The following MATR3 variants were observed in gnomAD, a reference collection of about 807,000 sequenced individuals.
The protein encoded by MATR3 is matrin 3.
Under a neutral mutation model 85.5 loss-of-function variants are expected in MATR3, and 4 were observed. The ratio of observed to expected loss-of-function variants is 0.05; its 90% CI spans 0.02 to 0.11. The LOEUF (loss-of-function observed/expected upper bound fraction) is 0.11. Among genes scored for constraint, MATR3 ranks in the 10% least tolerant of loss-of-function variants. The pLI, the probability that MATR3 is intolerant of heterozygous loss-of-function variation, is 1.00. For synonymous variants in MATR3, 336 were observed against 343.1 expected, an observed-to-expected ratio of 0.98 and a Z score of 0.23; for missense variants, 685 against 1,016.1, an observed-to-expected ratio of 0.67 and a Z score of 4.43.
At chr5:139,300,142 ATC>A (rs759062207) in intron 1 of MATR3, among the ~76,000 whole-genome samples, 3 of 152,184 alleles carry the variant, frequency 2.0e-5, no homozygotes, top group Non-Finnish European at 4.4e-5. Flanking sequence ...AGGTGGGTGA[ATC>A]ACAAGGTCAG....
chr5:139,319,308 C>T, intron 8 of MATR3, 26 bp from the exon 9 acceptor site: 2 of 1,603,276 alleles, frequency 1.2e-6, no homozygotes, highest in Non-Finnish European at 1.7e-6. Context: ...GCACATTTGT[C>T]CTTTTGTTGT....
In MATR3 at chr5:139,308,278, G is replaced by A; in HGVS notation, c.863G>A (p.Gly288Asp). 6.2e-7 allele frequency: 1 copy of A among 1,614,094 alleles called. No homozygotes were observed. The highest frequency in any genetic ancestry group is 1.1e-5 in the South Asian group (1 of 91,078). Residue 288 changes from glycine (G) to aspartate (D), a missense_variant, in exon 2 of 15, where the codon GGT becomes GAT. Gly to Asp is a moderately conservative substitution (Grantham distance 94). Coordinates refer to ENST00000394805, the MANE Select transcript of MATR3 (RefSeq NM_018834.6). Reference sequence around the variant, plus strand: ...GACTTCCATGGACTCTTACCGAAGGGTTATCCCCATCTGTGCTCTATATGT... The same window carrying A: ...GACTTCCATGGACTCTTACCGAAGGATTATCCCCATCTGTGCTCTATATGT... The part of the protein sequence containing the change: ...IEDFHGLLPK[G>D]YPHLCSICDL...
chr5:139,319,562 T>TA, intron 9 of MATR3, 61 bp downstream of exon 9: 1 of 1,471,552 alleles, frequency 6.8e-7, no homozygotes, highest in Non-Finnish European at 9.4e-7. Flanking sequence ...GATTTTTCAA[T>TA]ATGGAGCTGG....
chr5:139,324,095 G>A (rs534357973), intron 12 of MATR3, among the ~76,000 whole-genome samples: 7 of 151,966 alleles, frequency 4.6e-5, no homozygotes, highest in Non-Finnish European at 1.0e-4. Flanking sequence ...GATGTTTATG[G>A]CATTTAATGC....
Position 139,317,731 on chromosome 5 carries a change from G to C in MATR3, c.1308+10G>C, listed in dbSNP as rs1246703372. 2.5e-6 allele frequency: 4 copies of C among 1,569,372 alleles called. No homozygotes were observed. In the East Asian group the frequency reaches 9.1e-5, roughly 36 times the overall value. ...AAATAAAATTAATGAGGTATGAATT[G>C]AAATATTGGTATTATTCATTTATTC... On this transcript the variant is annotated intron_variant, in intron 7 of 14. Coordinates refer to ENST00000394805, the MANE Select transcript of MATR3 (RefSeq NM_018834.6).
intron 7 of MATR3, among the ~76,000 whole-genome samples, chr5:139,318,070 AAATT>A (rs1157443171): frequency 2.6e-5 from 4 of 152,212 alleles, no homozygotes; most frequent in African/African-American, 9.6e-5. Flanking sequence ...ATGCAGTAGA[AAATT>A]AATCTGAGGT....
Position 139,322,484 on chromosome 5 carries a change from T to A in MATR3, c.1756T>A (p.Leu586Ile). 6.2e-7 allele frequency: 1 copy of A among 1,614,068 alleles called. No individual in the cohort carries two copies. The highest frequency in any genetic ancestry group is 8.5e-7 in the Non-Finnish European group (1 of 1,179,962). The change falls in exon 11 of 15, where the codon TTA becomes ATA. Residue 586 changes from leucine (L) to isoleucine (I), a missense_variant. This residue lies in a region of MATR3 where 50 missense variants were observed against 133.4 expected (regional missense o/e 0.37). Transcript: ENST00000394805. Reference protein sequence around the residue: ...VLRIPNRGIDLLKKDKSRKRS... With the variant: ...VLRIPNRGIDILKKDKSRKRS... ...TTAGATTCCAAACAGAGGCATTGAT[T>A]TACTGAAAAAAGATAAATCCCGGTA...
In MATR3 at chr5:139,307,484, G is replaced by A. The variant is rs750693851; in HGVS notation, c.69G>A (p.Ala23=). The change falls in exon 2 of 15, where the codon GCG becomes GCA. Residue 23 remains alanine, a synonymous_variant. Coordinates refer to ENST00000394805, the MANE Select transcript of MATR3 (RefSeq NM_018834.6). This position sits in a 1 kb window ranked among gnomAD's most constrained non-coding sequence, Gnocchi z 4.4. ...DSQGHGRDLS[A]AGIGLLAAAT... ...AGGGTCATGGGCGTGACCTGTCTGC[G>A]GCAGGAATAGGCCTTCTTGCTGCTG... 16 of 1,613,814 alleles carry A rather than the reference G, an allele frequency of 9.9e-6. No homozygotes were observed. The highest frequency in any genetic ancestry group is 1.6e-4 in the Middle Eastern group (1 of 6,082).
In MATR3 at chr5:139,330,865, C is replaced by T. The variant is rs1312499886; in HGVS notation, c.*1470C>T. 6.6e-6 allele frequency: 3 copies of T among 453,648 alleles called. No homozygotes were observed. In the Admixed American group the frequency reaches 7.1e-5, roughly 11 times the overall value. The allele number at this position is 453,648 out of a possible 1,614,324, so 28.1% of individuals were successfully genotyped here. On this transcript the variant is annotated 3_prime_UTR_variant, in exon 15 of 15. Coordinates refer to ENST00000394805, the MANE Select transcript of MATR3 (RefSeq NM_018834.6). ...CAGACTGGAGTGCAGTGGCACAGTTCTCTGCAACCTCAGCCTTTGGGCTCA... is the reference window on the plus strand; with the variant it reads ...CAGACTGGAGTGCAGTGGCACAGTTTTCTGCAACCTCAGCCTTTGGGCTCA...
intron 2 of MATR3, among the ~76,000 whole-genome samples, chr5:139,309,234 A>G (rs1029890056): frequency 1.3e-5 from 2 of 152,122 alleles, no homozygotes; most frequent in African/African-American, 2.4e-5. Flanking sequence ...CCCCCAATAT[A>G]TGGTGCAGTT....
chr5:139,312,276 T>G (rs925254816), intron 2 of MATR3: 4 of 152,360 alleles, frequency 2.6e-5, no homozygotes, highest in African/African-American at 9.6e-5. Flanking sequence ...CGTTTTTTTC[T>G]TGATAGAGAT....
In MATR3 at chr5:139,313,321, A is replaced by G. The variant is rs1020185135; in HGVS notation, c.913-1354A>G. 8 of 119,728 alleles carry G rather than the reference A, an allele frequency of 6.7e-5. No homozygotes were observed. The Admixed American group carries it at 8.8e-4, about 13-fold the overall frequency. 7.4% of individuals were successfully genotyped at this position (119,728 alleles called of 1,614,324 possible). A position where few individuals can be genotyped will look rare whatever the true frequency, so the allele number is the denominator to read the frequency against. ...AGACTGCTTTATAATCAGTGTAATA[A>G]TAGTTCTTTTTTTTTTTTTTTTTTT... On this transcript the variant is annotated intron_variant, in intron 2 of 14. Transcript: ENST00000394805.
Position 139,317,072 on chromosome 5 carries a change from G to T in MATR3, c.1149G>T (p.Leu383=). The T allele has an allele frequency of 1.9e-6, 3 of 1,614,070 alleles. No individual in the cohort carries two copies. The highest frequency in any genetic ancestry group is 2.5e-6 in the Non-Finnish European group (3 of 1,179,970). ...ATAAAGGTGCTGGAAATGGAAACCT[G>T]CAAGGACCTAGACACATGCAGAAAG... is the stretch of plus-strand genomic sequence containing the variant. ...RGNLGAGNGN[L]QGPRHMQKGR... The change falls in exon 6 of 15, where the codon CTG becomes CTT. Residue 383 remains leucine (L), a synonymous_variant. Transcript: ENST00000394805.
intron 1 of MATR3, among the ~76,000 whole-genome samples, chr5:139,306,137 ATGTTATGTATATC>A (rs746517343): frequency 9.9e-5 from 15 of 152,220 alleles, no homozygotes; most frequent in Non-Finnish European, 1.8e-4. Flanking sequence ...TTCACTGAAG[ATGTTATGTATATC>A]TTTCAACTAA....
intron 7 of MATR3, among the ~76,000 whole-genome samples, chr5:139,318,397 G>T (rs1019270966): frequency 6.6e-6 from 1 of 152,062 alleles, no homozygotes; most frequent in African/African-American, 2.4e-5. Flanking sequence ...GCCTCCCAAA[G>T]TGCTGGGATT....
In MATR3 at chr5:139,330,567, T is replaced by C. The variant is rs1178205082; in HGVS notation, c.*1172T>C. 2 of 454,018 alleles carry C rather than the reference T, an allele frequency of 4.4e-6. No homozygotes were observed. The highest frequency in any genetic ancestry group is 8.8e-6 in the Non-Finnish European group (2 of 226,802). 28.1% of individuals were successfully genotyped at this position (454,018 alleles called of 1,614,324 possible). ...AAGATCTGAGTTTTAAAAATGTTGT[T>C]GCTGGTGGATTTCTTGTTCCTGTTA... On this transcript the variant is annotated 3_prime_UTR_variant, in exon 15 of 15. Coordinates refer to ENST00000394805, the MANE Select transcript of MATR3 (RefSeq NM_018834.6).
intron 1 of MATR3, among the ~76,000 whole-genome samples, chr5:139,298,180 C>G (rs1754257430): frequency 6.6e-6 from 1 of 152,196 alleles, no homozygotes; most frequent in Non-Finnish European, 1.5e-5. Flanking sequence ...AACCGTCCCT[C>G]TTAACACACG....
intron 9 of MATR3, 152 bp downstream of exon 9, chr5:139,319,653 G>C (rs1379353352): frequency 6.3e-6 from 4 of 639,584 alleles, no homozygotes; most frequent in Non-Finnish European, 1.1e-5. Flanking sequence ...TTCGAGACCA[G>C]CCTGGCCAGC....
rs766999656 is a variant in MATR3 at position 139,329,530 on chromosome 5, G to A, written c.*135G>A. 2.4e-5 allele frequency: 18 copies of A among 735,516 alleles called. No individual in the cohort carries two copies. The African/African-American group carries it at 3.2e-4, about 13-fold the overall frequency. 45.6% of individuals were successfully genotyped at this position (735,516 alleles called of 1,614,324 possible). On this transcript the variant is annotated 3_prime_UTR_variant, in exon 15 of 15. Coordinates refer to ENST00000394805, the MANE Select transcript of MATR3 (RefSeq NM_018834.6). ...TTGTTTTAGTGGAGAAATAATAGAT[G>A]TCTGTTCATGTGTTAAGTGTTATAG...
Sources: allele counts gnomAD v4.1 joint callset (sites outside exome capture counted in the v4.1 genomes callset), GRCh38; gene constraint gnomAD v4.1.1; regional missense constraint gnomAD v4.1.1; non-coding constraint Gnocchi (gnomAD v3.1); transcripts MANE v1.5; gene names NCBI Gene and HGNC (gene_info 2026-07-23, HGNC 2026-07-21).